Variants in GUCY2F observed in about 807,000 individuals in gnomAD.
GUCY2F encodes the protein guanylate cyclase 2F, retinal, also known as retinal guanylyl cyclase 2.
GUCY2F carries 61 observed loss-of-function variants against 73.1 expected under a neutral mutation model. The ratio of observed to expected loss-of-function variants is 0.83; its 90% CI spans 0.68 to 1.03. The LOEUF is 1.03. GUCY2F is among the 50% of genes least tolerant of loss of function. GUCY2F has a pLI of 0.00. For missense variants in GUCY2F, 912 were observed against 854.3 expected (o/e 1.07, Z -0.84); for synonymous variants, 331 against 307.8 (o/e 1.08, Z -0.79).
Position 109,453,657 on chromosome X carries a change from T to A in GUCY2F, c.1235A>T (p.Asn412Ile). 3 of 1,203,616 alleles carry A rather than the reference T, an allele frequency of 2.5e-6. No individual in the cohort carries two copies. The highest frequency in any genetic ancestry group is 3.4e-6 in the Non-Finnish European group (3 of 888,182). Residue 412 changes from asparagine (N) to isoleucine (I), a missense_variant, in exon 4 of 20, where the codon AAC becomes ATC. By Grantham distance (149) the Asn-to-Ile change is moderately radical (BLOSUM62 -3). Transcript: ENST00000218006. Reference sequence around the variant, plus strand: ...GCTATGGAGTTCCCATTCTTTCAAGTTGGTGTCCAGGATTACATATTCTGA... The same window carrying A: ...GCTATGGAGTTCCCATTCTTTCAAGATGGTGTCCAGGATTACATATTCTGA... ...GISEYVILDT[N>I]LKEWELHSTY...
At chrX:109,418,974 C>T (rs950178422) in intron 8 of GUCY2F, among the ~76,000 whole-genome samples, 14 of 110,421 alleles carry the variant, frequency 1.3e-4, no homozygotes, top group Non-Finnish European at 2.3e-4. Context: ...CAACTTTATG[C>T]TAATAAAGTC....
chrX:109,448,877 C>A (rs1465187548), intron 5 of GUCY2F, among the ~76,000 whole-genome samples: 1 of 112,139 alleles, frequency 8.9e-6, no homozygotes, highest in Non-Finnish European at 1.9e-5. Flanking sequence ...ATTACAGACA[C>A]AGTTTAAACC....
intron 6 of GUCY2F, among the ~76,000 whole-genome samples, chrX:109,446,823 T>A (rs56024132): frequency 0.07 from 7,755 of 111,320 alleles, 672 homozygotes; most frequent in African/African-American, 0.24. Flanking sequence ...GAAACTACCA[T>A]CAGAGTGAAC....
intron 14 of GUCY2F, among the ~76,000 whole-genome samples, chrX:109,390,290 T>C (rs1465788515): frequency 9.0e-6 from 1 of 111,528 alleles, no homozygotes; most frequent in African/African-American, 3.3e-5. Flanking sequence ...ATGCAGATAG[T>C]GGCAGGAAAA....
intron 10 of GUCY2F, among the ~76,000 whole-genome samples, chrX:109,403,497 A>G (rs982285749): frequency 8.9e-6 from 1 of 111,908 alleles, no homozygotes; most frequent in South Asian, 3.8e-4. Context: ...ATGACCTTCT[A>G]TAATCTTAAT....
chrX:109,435,861 C>G (rs1365644035), intron 7 of GUCY2F, among the ~76,000 whole-genome samples: 1 of 111,225 alleles, frequency 9.0e-6, no homozygotes, highest in Non-Finnish European at 1.9e-5. Context: ...TTGTCAAAGG[C>G]CTTTTCTGCA....
chrX:109,380,223 T>C (rs1448848786), intron 17 of GUCY2F, among the ~76,000 whole-genome samples: 1 of 112,196 alleles, frequency 8.9e-6, no homozygotes, highest in Non-Finnish European at 1.9e-5. Flanking sequence ...GTGATATTTC[T>C]GCCCCATGTA....
chrX:109,391,803 C>G (rs1322493522), intron 14 of GUCY2F, 108 bp downstream of exon 14: 1 of 445,174 alleles, frequency 2.2e-6, no homozygotes, highest in African/African-American at 2.5e-5. Flanking sequence ...TTTGTTATTC[C>G]TAAATAACAA....
At chrX:109,451,379 C>A (rs1048642482) in intron 5 of GUCY2F, among the ~76,000 whole-genome samples, 3 of 111,372 alleles carry the variant, frequency 2.7e-5, no homozygotes, top group African/African-American at 9.8e-5. Context: ...TGGTAGAAAT[C>A]TAGAATGTGA....
At chrX:109,433,021 C>G (rs1445050618) in intron 7 of GUCY2F, among the ~76,000 whole-genome samples, 3 of 112,619 alleles carry the variant, frequency 2.7e-5, no homozygotes, top group Non-Finnish European at 5.6e-5. Flanking sequence ...CATTCCAGAA[C>G]TAGGCTGGGA....
intron 5 of GUCY2F, among the ~76,000 whole-genome samples, chrX:109,451,794 A>G (rs896109159): frequency 8.1e-5 from 9 of 111,502 alleles, no homozygotes; most frequent in African/African-American, 2.9e-4. Context: ...AGCCAGATCT[A>G]TTCACAGGCA....
intron 17 of GUCY2F, 77 bp downstream of exon 17, chrX:109,382,039 ACT>A: frequency 5.8e-6 from 3 of 518,124 alleles, no homozygotes; most frequent in Non-Finnish European, 1.0e-5. Flanking sequence ...TCCCAGGTAA[ACT>A]CTTTCAGCAG....
intron 9 of GUCY2F, among the ~76,000 whole-genome samples, chrX:109,406,766 G>T (rs1930982183): frequency 9.0e-6 from 1 of 111,403 alleles, no homozygotes; most frequent in South Asian, 3.9e-4. Flanking sequence ...AGTCTCACGA[G>T]ATCTGATGAG....
chrX:109,403,484 G>A (rs747759214), intron 10 of GUCY2F, among the ~76,000 whole-genome samples: 3 of 111,729 alleles, frequency 2.7e-5, no homozygotes, highest in East Asian at 5.6e-4. Flanking sequence ...GCCAGATACC[G>A]AAATGACCTT....
chrX:109,390,169 G>T lies in GUCY2F; in HGVS notation c.2782-1506C>A, dbSNP rs188054366. On this transcript the variant is annotated intron_variant, in intron 14 of 19. Coordinates refer to ENST00000218006, the MANE Select transcript of GUCY2F (RefSeq NM_001522.3). ...GATGAGGAGATTAGAAGAGCAGGGAGTATGGGCATGCATGGTCTTGGTGTA... is the reference window on the plus strand; with the variant it reads ...GATGAGGAGATTAGAAGAGCAGGGATTATGGGCATGCATGGTCTTGGTGTA... Among the ~76,000 whole-genome samples the T allele has an allele frequency of 1.6e-3, 175 of 111,623 alleles. 3 individuals carry two copies. The highest frequency in any genetic ancestry group is 0.013 in the Admixed American group (140 of 10,521).
chrX:109,391,335 C>T (rs954851063), intron 14 of GUCY2F, among the ~76,000 whole-genome samples: 11 of 111,330 alleles, frequency 9.9e-5, no homozygotes, highest in Non-Finnish European at 1.5e-4. Flanking sequence ...CTTCCCCAGA[C>T]CTCAGACCAA....
At chrX:109,374,817 C>G (rs1005554249) in intron 19 of GUCY2F, among the ~76,000 whole-genome samples, 2 of 112,001 alleles carry the variant, frequency 1.8e-5, no homozygotes, top group African/African-American at 6.5e-5. Flanking sequence ...GCAGAAGAGC[C>G]ACACACTCAA....
At chrX:109,445,159 CA>C (rs1041368989) in intron 6 of GUCY2F, among the ~76,000 whole-genome samples, 6 of 111,709 alleles carry the variant, frequency 5.4e-5, no homozygotes, top group African/African-American at 2.0e-4. Context: ...GGCCTAGCCC[CA>C]GGGGTAGGAC....
intron 4 of GUCY2F, among the ~76,000 whole-genome samples, chrX:109,453,024 C>A (rs1932168915): frequency 9.0e-6 from 1 of 111,724 alleles, no homozygotes; most frequent in Non-Finnish European, 1.9e-5. Context: ...AATTGAAAAG[C>A]AATTTTGTGC....
Sources: gnomAD v4.1 joint callset for allele counts (sites outside exome capture counted in the v4.1 genomes callset) on GRCh38, gnomAD v4.1.1 for gene constraint, MANE v1.5 for transcripts, NCBI Gene and HGNC (gene_info 2026-07-23, HGNC 2026-07-21) for gene names.